The following NBPF8 variants were observed in gnomAD, a reference collection of about 807,000 sequenced individuals.
NBPF8 encodes the protein NBPF member 8.
upstream of NBPF8, among the ~76,000 whole-genome samples, chr1:120,419,221 G>C (rs1698692): frequency 6.6e-6 from 1 of 152,234 alleles, no homozygotes; most frequent in African/African-American, 2.4e-5. Flanking sequence ...TCAATGAAAA[G>C]TAAACCTTTG....
chr1:120,431,454 C>T (rs1660877262), upstream of NBPF8, among the ~76,000 whole-genome samples: 1 of 143,578 alleles, frequency 7.0e-6, no homozygotes, highest in African/African-American at 2.6e-5. Flanking sequence ...AGATAAACAG[C>T]ACATTGAAAC....
upstream of NBPF8, chr1:120,436,291 G>T (rs1661072416): frequency 3.8e-6 from 4 of 1,049,534 alleles, no homozygotes; most frequent in Non-Finnish European, 5.5e-6. Flanking sequence ...TGAGCTACTG[G>T]CAGTGCTTTC....
chr1:120,464,175 G>GTGTCTGTCTGTCTGTC (rs1312686101), intron 22 of NBPF8, among the ~76,000 whole-genome samples: 36 of 85,772 alleles, frequency 4.2e-4, no homozygotes, highest in East Asian at 3.0e-3. Context: ...GTGTGTGTGT[G>GTGTCTGTCTGTCTGTC]TGTCTGTCTG....
intron 1 of NBPF8, among the ~76,000 whole-genome samples, chr1:120,421,849 C>G (rs1311979465): frequency 1.3e-5 from 2 of 151,384 alleles, no homozygotes; most frequent in Admixed American, 6.6e-5. Context: ...CTGTCCTTAC[C>G]AGAACCCTGC....
chr1:120,431,359 AATATATATATATATATAT>A (rs869036983), upstream of NBPF8, among the ~76,000 whole-genome samples: 2,533 of 42,070 alleles, frequency 0.06, 97 homozygotes, highest in East Asian at 0.1. Context: ...CCAAATAGGG[AATATATATATATATATAT>A]ATATATATAT....
chr1:120,421,481 T>TCC, intron 1 of NBPF8, among the ~76,000 whole-genome samples: 1 of 143,300 alleles, frequency 7.0e-6, no homozygotes, highest in African/African-American at 2.6e-5. Context: ...CCTTCCTCCC[T>TCC]CTCTCCCTGC....
At chr1:120,462,237 C>T in intron 20 of NBPF8, 40 bp downstream of exon 18, 5 of 680,212 alleles carry the variant, frequency 7.4e-6, no homozygotes, top group Non-Finnish European at 1.1e-5. Flanking sequence ...TCTGTGTTGA[C>T]ACCTGGAGAT....
upstream of NBPF8, among the ~76,000 whole-genome samples, chr1:120,418,982 A>G (rs1342237812): frequency 6.6e-5 from 10 of 151,926 alleles, no homozygotes; most frequent in East Asian, 1.9e-3. Context: ...CATTTTCAAC[A>G]TAAGCTCCTG....
chr1:120,415,845 T>G (rs1382003033), upstream of NBPF8, among the ~76,000 whole-genome samples: 7 of 152,116 alleles, frequency 4.6e-5, no homozygotes, highest in Non-Finnish European at 1.0e-4. Flanking sequence ...GTGGGGTTGG[T>G]GTTTGCACTC....
At chr1:120,451,725 T>G (rs1661277794) in intron 12 of NBPF8, among the ~76,000 whole-genome samples, 1 of 148,912 alleles carries the variant, frequency 6.7e-6, no homozygotes, top group Non-Finnish European at 1.5e-5. Flanking sequence ...ATTCGCCCCA[T>G]CTGCACCTGG....
rs1661528270 is a variant in NBPF8, at chr1:120,459,840, C to CT, written n.2784+311dup. ...TATGCAGCACATGCCCAGGAGTTGT[C>CT]TGTCAGCTCAGCTCATCTGAATTAA... On this transcript the variant is annotated intron_variant and non_coding_transcript_variant, in intron 17 of 24. Coordinates refer to ENST00000583271, the Ensembl canonical transcript of NBPF8. Among the ~76,000 whole-genome samples, 3 of 152,200 alleles carry CT rather than the reference C, an allele frequency of 2.0e-5. No homozygotes were observed. The South Asian group carries it at 6.2e-4, about 32-fold the overall frequency.
chr1:120,460,503 A>G (rs1661550707), intron 17 of NBPF8, 70 bp from the exon 16 acceptor site: 5 of 887,976 alleles, frequency 5.6e-6, no homozygotes. Flanking sequence ...TTAGGATTGG[A>G]CAGAGGAATG....
chr1:120,425,292 C>G (rs1286526190), intron 1 of NBPF8, among the ~76,000 whole-genome samples: 1 of 151,520 alleles, frequency 6.6e-6, no homozygotes, highest in Non-Finnish European at 1.5e-5. Flanking sequence ...GTGTAAAGCC[C>G]GATTGTATAT....
At chr1:120,434,475 T>A (rs1553247512), upstream of NBPF8, among the ~76,000 whole-genome samples, 1 of 146,570 alleles carries the variant, frequency 6.8e-6, no homozygotes, top group African/African-American at 2.5e-5. Context: ...GTCATTTACA[T>A]TAGGTATTTC....
At chr1:120,415,558 G>A (rs1402104249), upstream of NBPF8, among the ~76,000 whole-genome samples, 1 of 152,164 alleles carries the variant, frequency 6.6e-6, no homozygotes, top group African/African-American at 2.4e-5. Context: ...GAGCAGCTTC[G>A]GGGGCACGTC....
At chr1:120,431,382 A>T (rs1482245203), upstream of NBPF8, among the ~76,000 whole-genome samples, 3 of 70,378 alleles carry the variant, frequency 4.3e-5, 1 homozygote, top group African/African-American at 1.9e-4. Flanking sequence ...ATATATATAT[A>T]TATATATATA....
chr1:120,421,439 C>G (rs1329346345), intron 1 of NBPF8, among the ~76,000 whole-genome samples: 10 of 150,438 alleles, frequency 6.6e-5, no homozygotes, highest in African/African-American at 2.5e-4. Context: ...TCCCTCCTTC[C>G]CTTCTGCCTT....
At chr1:120,463,053 C>T (rs1213492694) in intron 21 of NBPF8, 87 bp downstream of exon 19, 22 of 639,194 alleles carry the variant, frequency 3.4e-5, no homozygotes, top group Non-Finnish European at 5.2e-5. Flanking sequence ...CCTTACTGAC[C>T]CGAGAGATGT....
At chr1:120,415,175 C>A (rs1660394853), upstream of NBPF8, among the ~76,000 whole-genome samples, 4 of 152,268 alleles carry the variant, frequency 2.6e-5, no homozygotes, top group South Asian at 8.3e-4. Context: ...GAACGCGGGA[C>A]GGGCGACCTG....
Sources: allele counts gnomAD v4.1 joint callset (sites outside exome capture counted in the v4.1 genomes callset), GRCh38; gene constraint gnomAD v4.1.1; transcripts MANE v1.5; gene names NCBI Gene and HGNC (gene_info 2026-07-23, HGNC 2026-07-21).